The following DNAH12 variants were observed in gnomAD, a reference collection of about 807,000 sequenced individuals.
The protein encoded by DNAH12 is axonemal beta dynein heavy chain 12.
Under a neutral mutation model 371.5 loss-of-function variants are expected in DNAH12, and 285 were observed. The ratio of observed to expected loss-of-function variants is 0.77; its 90% CI spans 0.70 to 0.85. The LOEUF (loss-of-function observed/expected upper bound fraction) is 0.85. DNAH12 is among the 40% of genes least tolerant of loss of function. The pLI is 0.00. For synonymous variants in DNAH12, 1,200 were observed against 1,213.0 expected (o/e 0.99, Z 0.22); for missense variants, 3,611 against 3,689.4 (o/e 0.98, Z 0.55).
rs779772701 is a variant in DNAH12 at position 57,508,436 on chromosome 3, T to G, written c.647A>C (p.Asp216Ala). Residue 216 changes from aspartate to alanine, a missense_variant, in exon 7 of 74, where the codon GAC becomes GCC. Coordinates refer to ENST00000495027, the MANE Select transcript of DNAH12 (RefSeq NM_001366028.2). ...IIHPTMKMLL[D>A]LGYTTFADTV... Reference sequence around the variant, plus strand: ...ATCAGCAAATGTTGTATAACCAAGGTCCAGTAACATTTTCATAGTTGGATG... The same window carrying G: ...ATCAGCAAATGTTGTATAACCAAGGGCCAGTAACATTTTCATAGTTGGATG... 7 of 1,612,790 alleles carry G rather than the reference T, an allele frequency of 4.3e-6. No individual in the cohort carries two copies. Among genetic ancestry groups the G allele is most frequent in the Non-Finnish European group, 5.9e-6 (7 of 1,179,780 alleles).
chr3:57,502,881 T>C (rs1476505703), intron 9 of DNAH12, among the ~76,000 whole-genome samples: 1 of 151,930 alleles, frequency 6.6e-6, no homozygotes, highest in East Asian at 1.9e-4. Context: ...GGTTTCACAG[T>C]GTTGGTAAGG....
Position 57,429,739 on chromosome 3 carries a change from G to A in DNAH12, c.5016C>T (p.Ser1672=), listed in dbSNP as rs1475292784. ...CLMSGEIIQM[S]PQMSLIFETM... is the part of the protein sequence containing the mutation. ...TTTCAAAGATGAGGCTCATTTGGGG[G>A]GACATCTGAATGATTTCTCCACTCA... Residue 1672 remains serine (S), a synonymous_variant, in exon 33 of 74, where the codon TCC becomes TCT. Transcript: ENST00000495027. The A allele has an allele frequency of 3.3e-6, 5 of 1,528,458 alleles. No homozygotes were observed. Among genetic ancestry groups the A allele is most frequent in the African/African-American group, 1.4e-5 (1 of 71,828 alleles). The allele number at this position is 1,528,458 out of a possible 1,614,324, so 94.7% of individuals were successfully genotyped here. A position where few individuals can be genotyped will look rare whatever the true frequency, so the allele number is the denominator to read the frequency against.
rs917395637 is a variant in DNAH12 at position 57,513,781 on chromosome 3, A to AT, written c.280-2803dup. On this transcript the variant is annotated intron_variant, in intron 4 of 73. Transcript: ENST00000495027. ...TCTGTCACATATCAGATTGACAAAA[A>AT]TTTTTTTTTAAATATGACCCCCACA... Among the ~76,000 whole-genome samples the AT allele has an allele frequency of 3.4e-3, 513 of 152,030 alleles. 2 individuals are homozygous for AT. The highest frequency in any genetic ancestry group is 0.011 in the African/African-American group (460 of 41,488).
At chr3:57,494,261 G>T (rs1034255178) in intron 11 of DNAH12, among the ~76,000 whole-genome samples, 3 of 151,266 alleles carry the variant, frequency 2.0e-5, no homozygotes, top group Non-Finnish European at 2.9e-5. Context: ...ACAAAAATGT[G>T]TACTACATTG....
chr3:57,302,416 T>C (rs1362014506), intron 69 of DNAH12, among the ~76,000 whole-genome samples: 1 of 150,510 alleles, frequency 6.6e-6, no homozygotes, highest in African/African-American at 2.4e-5. Context: ...TAAATATACT[T>C]GTAGTGAGAG....
chr3:57,509,298 G>A, intron 5 of DNAH12, 86 bp from the exon 6 acceptor site: 2 of 1,298,826 alleles, frequency 1.5e-6, no homozygotes, highest in South Asian at 2.7e-5. Flanking sequence ...ATTTTGGATG[G>A]TATAGTTTAC....
At chr3:57,408,676 G>T (rs1467625360) in intron 39 of DNAH12, 141 bp from the exon 40 acceptor site, 9 of 1,099,744 alleles carry the variant, frequency 8.2e-6, no homozygotes, top group African/African-American at 6.5e-5. Flanking sequence ...GAGTAGGAGA[G>T]AAATTTTTTT....
At chr3:57,364,195 G>A (rs2062998368) in intron 57 of DNAH12, among the ~76,000 whole-genome samples, 1 of 152,102 alleles carries the variant, frequency 6.6e-6, no homozygotes, top group South Asian at 2.1e-4. Flanking sequence ...TTCTTTAAGT[G>A]AAAGGCAAAA....
At chr3:57,385,492 G>A (rs1217828161) in intron 47 of DNAH12, 63 bp from the exon 48 acceptor site, 1 of 152,166 alleles carries the variant, frequency 6.6e-6, no homozygotes, top group Non-Finnish European at 1.5e-5. Context: ...GAAACCAAAT[G>A]CAGAAAATAG....
In DNAH12 at chr3:57,508,499, T is replaced by C; in HGVS notation, c.584A>G (p.Gln195Arg). The C allele has an allele frequency of 6.2e-7, 1 of 1,612,786 alleles. No individual in the cohort carries two copies. Among genetic ancestry groups the C allele is most frequent in the Non-Finnish European group, 8.5e-7 (1 of 1,179,712 alleles). The change falls in exon 7 of 74, where the codon CAG becomes CGG. Residue 195 changes from glutamine (Q) to arginine (R), a missense_variant. Gln to Arg is a conservative substitution (Grantham distance 43). Transcript: ENST00000495027. ...YSNPWHSSYV[Q>R]ARNQIFSNLH... is the part of the protein sequence containing the mutation. ...ATTAGAGAATATTTGATTTCTTGCC[T>C]GCACATAGCTAGAATGCCAAGGATT... is the stretch of plus-strand genomic sequence containing the variant.
chr3:57,491,031 G>A (rs1048083897), intron 11 of DNAH12, among the ~76,000 whole-genome samples: 1 of 134,402 alleles, frequency 7.4e-6, no homozygotes, highest in African/African-American at 2.8e-5. Flanking sequence ...GCAGTGAGCC[G>A]AGGTCACACC....
At chr3:57,475,789 A>G (rs1316669539) in intron 13 of DNAH12, among the ~76,000 whole-genome samples, 1 of 152,212 alleles carries the variant, frequency 6.6e-6, no homozygotes, top group African/African-American at 2.4e-5. Flanking sequence ...TCACAATTGC[A>G]AGTAAGAATG....
intron 4 of DNAH12, among the ~76,000 whole-genome samples, chr3:57,513,373 G>A (rs923135842): frequency 5.9e-5 from 9 of 152,100 alleles, no homozygotes; most frequent in Non-Finnish European, 8.8e-5. Context: ...ACTGGGGGAT[G>A]GAGGGCAAGG....
the DNAH12 span, among the ~76,000 whole-genome samples, chr3:57,551,796 A>G: frequency 1.3e-5 from 2 of 152,106 alleles, no homozygotes; most frequent in African/African-American, 4.8e-5. Flanking sequence ...ATATGAAACA[A>G]GACATCAAAA....
At chr3:57,459,254 T>C (rs1217564087) in intron 20 of DNAH12, among the ~76,000 whole-genome samples, 2 of 152,136 alleles carry the variant, frequency 1.3e-5, no homozygotes, top group African/African-American at 4.8e-5. Flanking sequence ...TCTCTCCCTC[T>C]CTCTTGTTCT....
At chr3:57,426,402 T>C (rs948934807) in intron 34 of DNAH12, among the ~76,000 whole-genome samples, 3 of 152,042 alleles carry the variant, frequency 2.0e-5, no homozygotes, top group African/African-American at 7.2e-5. Flanking sequence ...AGCAGCTGCA[T>C]GGTATTGATT....
intron 70 of DNAH12, among the ~76,000 whole-genome samples, chr3:57,299,965 G>A (rs1416046049): frequency 6.6e-6 from 1 of 152,156 alleles, no homozygotes. Context: ...GAGAACAATT[G>A]TTCTGAAAAA....
rs560763350 is a variant in DNAH12, at chr3:57,403,544, T to C, written c.6756-43A>G. 21 of 1,486,204 alleles carry C rather than the reference T, an allele frequency of 1.4e-5. No individual in the cohort carries two copies. In the African/African-American group the frequency reaches 1.8e-4, roughly 13 times the overall value. 92.1% of individuals were successfully genotyped at this position (1,486,204 alleles called of 1,614,324 possible). ...TTTTATTAATGCATTACAATATAAA[T>C]GTAAATGTATAGTTACATGTAACTA... On this transcript the variant is annotated intron_variant, in intron 42 of 73. Transcript: ENST00000495027.
At chr3:57,421,250 T>C (rs1400210433) in intron 36 of DNAH12, among the ~76,000 whole-genome samples, 1 of 152,160 alleles carries the variant, frequency 6.6e-6, no homozygotes, top group East Asian at 1.9e-4. Context: ...CAAATAATTA[T>C]TCAAATACTT....
Sources: gnomAD v4.1 joint callset for allele counts (sites outside exome capture counted in the v4.1 genomes callset) on GRCh38, gnomAD v4.1.1 for gene constraint, MANE v1.5 for transcripts, NCBI Gene and HGNC (gene_info 2026-07-23, HGNC 2026-07-21) for gene names.